The following KAZN variants were observed in gnomAD, a reference collection of about 807,000 sequenced individuals.
KAZN encodes kazrin, periplakin interacting protein.
KAZN carries 40 observed loss-of-function variants against 87.4 expected under a neutral mutation model. The ratio of observed to expected loss-of-function variants is 0.46; its 90% confidence interval spans 0.36 to 0.60. The LOEUF (loss-of-function observed/expected upper bound fraction) is 0.60, where lower values mean the gene tolerates loss of function less well. Among genes scored for constraint, KAZN ranks in the 20% least tolerant of loss-of-function variants. KAZN has a pLI of 0.00. For missense variants in KAZN, 898 were observed against 1,073.9 expected (o/e 0.84, Z 2.29); for synonymous variants, 466 against 458.3 (o/e 1.02, Z -0.22).
intron 1 of KAZN, among the ~76,000 whole-genome samples, chr1:14,622,689 C>CAAAAAAAAAAAAA (rs3087165): frequency 1.8e-5 from 2 of 113,456 alleles, no homozygotes; most frequent in African/African-American, 7.0e-5. Flanking sequence ...GACTCCATCT[C>CAAAAAAAAAAAAA]AAAAAAAAAA....
At chr1:14,274,122 C>A (rs983009782) in intron 2 of KAZN, among the ~76,000 whole-genome samples, 4 of 152,172 alleles carry the variant, frequency 2.6e-5, no homozygotes, top group African/African-American at 9.7e-5. Context: ...CCTTTGAACA[C>A]TGAGAAAGGA....
intron 1 of KAZN, among the ~76,000 whole-genome samples, chr1:14,848,142 G>C (rs568582630): frequency 6.6e-6 from 1 of 152,340 alleles, no homozygotes. Flanking sequence ...CCCTCTTGCA[G>C]CTTCTTCCTT....
chr1:14,616,827 C>T (rs1678284049), intron 1 of KAZN, among the ~76,000 whole-genome samples: 1 of 152,202 alleles, frequency 6.6e-6, no homozygotes. Context: ...TTTCTGCCCT[C>T]GTGGCCTCAT....
chr1:14,539,263 A>G (rs1473862844), intron 2 of KAZN, among the ~76,000 whole-genome samples: 1 of 152,250 alleles, frequency 6.6e-6, no homozygotes, highest in Non-Finnish European at 1.5e-5. Flanking sequence ...GATATGGTAG[A>G]ATTTGACCAG....
At chr1:14,678,400 G>C (rs1329654615) in intron 1 of KAZN, among the ~76,000 whole-genome samples, 2 of 152,186 alleles carry the variant, frequency 1.3e-5, no homozygotes, top group Non-Finnish European at 2.9e-5. Context: ...GGGCTCTCGG[G>C]CCTTTGGCCA....
intron 2 of KAZN, among the ~76,000 whole-genome samples, chr1:14,530,795 C>A (rs1369806633): frequency 1.3e-5 from 2 of 152,130 alleles, no homozygotes. Context: ...ATAAATTACC[C>A]AGTCTCTGGT....
intron 1 of KAZN, among the ~76,000 whole-genome samples, chr1:14,033,996 T>A (rs891403764): frequency 6.6e-6 from 1 of 152,212 alleles, no homozygotes; most frequent in African/African-American, 2.4e-5. Flanking sequence ...TCAAAGGGAA[T>A]GTATGTGGAA....
chr1:14,057,295 G>C (rs1024922954), intron 1 of KAZN, among the ~76,000 whole-genome samples: 3 of 151,704 alleles, frequency 2.0e-5, no homozygotes, highest in African/African-American at 7.3e-5. Context: ...CCACCACACC[G>C]GGCTAATTTT....
chr1:14,803,791 C>T (rs554649216), intron 1 of KAZN, among the ~76,000 whole-genome samples: 15 of 152,348 alleles, frequency 9.8e-5, no homozygotes, highest in South Asian at 2.1e-4. Flanking sequence ...TCCACATTGG[C>T]GCTCTGGAGC....
intron 2 of KAZN, among the ~76,000 whole-genome samples, chr1:14,491,476 C>T (rs1006645075): frequency 8.5e-5 from 13 of 152,108 alleles, no homozygotes; most frequent in South Asian, 4.2e-4. Context: ...CGACAGGTCC[C>T]GGTGTGTGAT....
intron 2 of KAZN, among the ~76,000 whole-genome samples, chr1:14,566,074 C>T (rs1191474199): frequency 6.6e-6 from 1 of 152,192 alleles, no homozygotes; most frequent in Admixed American, 6.5e-5. Context: ...TTTACTCAGG[C>T]CCATCAGAGG....
intron 2 of KAZN, among the ~76,000 whole-genome samples, chr1:14,330,195 G>GT (rs1446522176): frequency 7.9e-5 from 12 of 152,214 alleles, no homozygotes; most frequent in East Asian, 5.8e-4. Context: ...TTTTGTTGGG[G>GT]TTTTTTTGCC....
In KAZN at chr1:14,820,134, G is replaced by A. The variant is rs1234926066; in HGVS notation, c.227-140550G>A. On this transcript the variant is annotated intron_variant, in intron 1 of 14. Coordinates refer to ENST00000376030, the MANE Select transcript of KAZN (RefSeq NM_201628.3). The surrounding 1 kb of genome is among the most constrained non-coding windows in gnomAD (Gnocchi z 4.1). ...TGAATTTATGAAAACAGTTTCCTGG[G>A]GCCCTTCCCAAATATGCAGATTCAG... is the stretch of plus-strand genomic sequence containing the variant. 2.0e-5 allele frequency among the ~76,000 whole-genome samples: 3 copies of A among 152,020 alleles called. No homozygotes were observed. The highest frequency in any genetic ancestry group is 4.8e-5 in the African/African-American group (2 of 41,364).
chr1:15,051,203 C>T (rs574947626), intron 4 of KAZN, among the ~76,000 whole-genome samples: 4 of 152,368 alleles, frequency 2.6e-5, no homozygotes, highest in East Asian at 3.9e-4. Flanking sequence ...GTAGAGGATT[C>T]GGTTTCTGGG....
intron 1 of KAZN, among the ~76,000 whole-genome samples, chr1:14,681,109 G>C (rs564837625): frequency 5.3e-5 from 8 of 152,236 alleles, no homozygotes; most frequent in Admixed American, 5.2e-4. Flanking sequence ...TCATCAAGGG[G>C]GCTGCCCAAG....
chr1:15,109,608 GGTAT>G (rs993566168), intron 13 of KAZN, among the ~76,000 whole-genome samples: 14 of 40,610 alleles, frequency 3.4e-4, no homozygotes, highest in African/African-American at 1.4e-3. Flanking sequence ...GGTATGTATG[GGTAT>G]GTGTGTGTGT....
At chr1:14,679,499 T>C (rs1640440934) in intron 1 of KAZN, among the ~76,000 whole-genome samples, 1 of 152,040 alleles carries the variant, frequency 6.6e-6, no homozygotes, top group Non-Finnish European at 1.5e-5. Flanking sequence ...TCCGGATTGG[T>C]TGATTTGCAT....
chr1:14,311,851 G>A (rs1328125614), intron 2 of KAZN, among the ~76,000 whole-genome samples: 2 of 152,122 alleles, frequency 1.3e-5, no homozygotes, highest in African/African-American at 2.4e-5. Flanking sequence ...GGGACCAGAT[G>A]AGGCATGACC....
At chr1:14,614,062 T>C (rs554030343) in intron 1 of KAZN, among the ~76,000 whole-genome samples, 9 of 152,280 alleles carry the variant, frequency 5.9e-5, no homozygotes, top group African/African-American at 2.2e-4. Context: ...CCATGCTAGA[T>C]TTCCGGGAAT....
Sources: gnomAD v4.1 joint callset for allele counts (sites outside exome capture counted in the v4.1 genomes callset) on GRCh38, gnomAD v4.1.1 for gene constraint, Gnocchi (gnomAD v3.1) non-coding constraint, MANE v1.5 for transcripts, NCBI Gene and HGNC (gene_info 2026-07-23, HGNC 2026-07-21) for gene names.